The following DGKB variants were observed in gnomAD, a reference collection of about 807,000 sequenced individuals.
The protein encoded by DGKB is 90 kDa diacylglycerol kinase.
In DGKB, 67 loss-of-function variants were observed where a neutral mutation model predicts 114.3. The observed-to-expected ratio is 0.59, with a 90% confidence interval of 0.48 to 0.72. The LOEUF (loss-of-function observed/expected upper bound fraction) is 0.72, where lower values mean the gene tolerates loss of function less well. DGKB is among the 30% of genes least tolerant of loss of function. The pLI is 0.00. For missense variants in DGKB, 907 were observed against 975.2 expected (o/e 0.93, Z 0.93); for synonymous variants, 398 against 323.1 (o/e 1.23, Z -2.49).
chr7:14,265,318 C>CTTTTTTTTTTTTTCTTTTTTT (rs1797334128), intron 23 of DGKB, among the ~76,000 whole-genome samples: 1 of 67,752 alleles, frequency 1.5e-5, no homozygotes, highest in African/African-American at 6.8e-5. Context: ...CTCTTGCATT[C>CTTTTTTTTTTTTTCTTTTTTT]TTTTTTTTTT....
chr7:14,687,026 T>G (rs1821819474), intron 9 of DGKB, among the ~76,000 whole-genome samples: 1 of 152,136 alleles, frequency 6.6e-6, no homozygotes, highest in Admixed American at 6.5e-5. Flanking sequence ...AATGGGCTTG[T>G]TTCCTACACA....
At position 14,535,617 on chromosome 7, in the gene DGKB, T is replaced by C. The variant is rs112081130; in HGVS notation, c.1770+38595A>G. 2.1e-3 allele frequency among the ~76,000 whole-genome samples: 321 copies of C among 152,272 alleles called. 1 individual carries two copies. The highest frequency in any genetic ancestry group is 7.0e-3 in the African/African-American group (289 of 41,566). On this transcript the variant is annotated intron_variant, in intron 20 of 25. Transcript: ENST00000402815. ...TTAAAATTCATTTGGAGACGGAGTC[T>C]TGCTCTGTCACCCAGGCTGGCGTGC...
At chr7:14,196,868 A>T (rs569810404) in intron 23 of DGKB, among the ~76,000 whole-genome samples, 69 of 152,236 alleles carry the variant, frequency 4.5e-4, no homozygotes, top group African/African-American at 1.6e-3. Flanking sequence ...TCTCTGTGAA[A>T]AAGTTTTCAT....
intron 20 of DGKB, among the ~76,000 whole-genome samples, chr7:14,485,752 C>A (rs988567235): frequency 5.3e-5 from 8 of 151,452 alleles, no homozygotes; most frequent in Non-Finnish European, 1.0e-4. Flanking sequence ...AATACCCGGG[C>A]ATGGTAGTGG....
chr7:14,465,825 C>G (rs1780381271), intron 21 of DGKB, among the ~76,000 whole-genome samples: 1 of 152,158 alleles, frequency 6.6e-6, no homozygotes, highest in Non-Finnish European at 1.5e-5. Flanking sequence ...TTAGCGTTGT[C>G]TTAATTCTTC....
intron 6 of DGKB, among the ~76,000 whole-genome samples, chr7:14,703,984 T>C (rs1825680599): frequency 6.6e-6 from 1 of 152,124 alleles, no homozygotes. Flanking sequence ...TACACACCAA[T>C]GTAACTATTA....
intron 17 of DGKB, among the ~76,000 whole-genome samples, chr7:14,602,694 G>C (rs1355074426): frequency 1.3e-5 from 2 of 152,146 alleles, no homozygotes; most frequent in African/African-American, 4.8e-5. Context: ...CTGGCCCCTG[G>C]ACCTTGGACT....
chr7:14,237,519 G>A (rs1792985731), intron 23 of DGKB, among the ~76,000 whole-genome samples: 1 of 151,928 alleles, frequency 6.6e-6, no homozygotes, highest in Non-Finnish European at 1.5e-5. Context: ...TGAGAGCACA[G>A]TCTTGAGTAA....
chr7:14,494,733 T>C (rs796864933), intron 20 of DGKB, among the ~76,000 whole-genome samples: 5 of 152,042 alleles, frequency 3.3e-5, no homozygotes, highest in African/African-American at 1.2e-4. Context: ...TTAAAGGTAT[T>C]CAAAATTACA....
Position 14,342,265 on chromosome 7 carries a change from T to A in DGKB, c.1926+3036A>T, listed in dbSNP as rs1401914502. On this transcript the variant is annotated intron_variant, in intron 22 of 25. Coordinates refer to ENST00000402815, the MANE Select transcript of DGKB (RefSeq NM_001350709.2). ...TTAAAATTTACCATCTTTCCCAGTA[T>A]CCCTGTCAACCAAAAGACTGAAATA... Among the ~76,000 whole-genome samples the A allele has an allele frequency of 4.0e-5, 6 of 151,828 alleles. 1 individual carries two copies. The South Asian group carries it at 1.0e-3, about 26-fold the overall frequency.
intron 15 of DGKB, among the ~76,000 whole-genome samples, chr7:14,619,953 G>T (rs956968634): frequency 5.3e-5 from 8 of 151,602 alleles, no homozygotes; most frequent in Admixed American, 3.3e-4. Flanking sequence ...TCAGAATTAG[G>T]CTTCCCTTTC....
intron 23 of DGKB, among the ~76,000 whole-genome samples, chr7:14,210,055 A>C (rs537532070): frequency 6.6e-6 from 1 of 152,212 alleles, no homozygotes; most frequent in East Asian, 1.9e-4. Flanking sequence ...AAAGTGGTAC[A>C]ACAAGAACAT....
At chr7:14,313,920 C>G (rs1191875018) in intron 23 of DGKB, among the ~76,000 whole-genome samples, 10 of 152,216 alleles carry the variant, frequency 6.6e-5, no homozygotes, top group Non-Finnish European at 1.2e-4. Context: ...TCTCCCAGTG[C>G]GCAGCCAGAG....
chr7:14,320,890 C>T (rs1415800803), intron 23 of DGKB, among the ~76,000 whole-genome samples: 2 of 151,926 alleles, frequency 1.3e-5, no homozygotes, highest in Non-Finnish European at 2.9e-5. Context: ...AACATAGATG[C>T]AAAATTTTAA....
intron 1 of DGKB, among the ~76,000 whole-genome samples, chr7:14,857,258 TTG>T (rs140695633): frequency 1.4e-5 from 2 of 138,250 alleles, no homozygotes; most frequent in Admixed American, 7.2e-5. Flanking sequence ...CTGTGTGTGT[TTG>T]TGTGTGTGTG....
chr7:14,763,746 T>C (rs1468795085), intron 2 of DGKB, among the ~76,000 whole-genome samples: 1 of 152,082 alleles, frequency 6.6e-6, no homozygotes, highest in African/African-American at 2.4e-5. Flanking sequence ...ATAGCTGCTG[T>C]GAGAAGACTA....
rs1045652357 is a variant in DGKB, at chr7:14,874,565, C to T, written c.-188+28027G>A. Among the ~76,000 whole-genome samples, 33 of 151,800 alleles carry T rather than the reference C, an allele frequency of 2.2e-4. 1 individual carries two copies. Among genetic ancestry groups the T allele is most frequent in the Admixed American group, 2.2e-3 (33 of 15,214 alleles). ...ATATCATATAATTTTCTCTCTCTCT[C>T]TTTTTCTATATATAGAAGGATATAC... On this transcript the variant is annotated intron_variant, in intron 1 of 25. Coordinates refer to ENST00000402815, the MANE Select transcript of DGKB (RefSeq NM_001350709.2).
intron 9 of DGKB, among the ~76,000 whole-genome samples, chr7:14,690,575 GT>G (rs1822652299): frequency 6.6e-6 from 1 of 152,190 alleles, no homozygotes; most frequent in South Asian, 2.1e-4. Flanking sequence ...CCAGCAACCT[GT>G]TTTTGCACAT....
At chr7:14,858,707 C>G (rs745419677) in intron 1 of DGKB, among the ~76,000 whole-genome samples, 2 of 152,028 alleles carry the variant, frequency 1.3e-5, no homozygotes, top group Non-Finnish European at 2.9e-5. Flanking sequence ...GAAAGATCAA[C>G]CAGATCAGCA....
Sources: gnomAD v4.1 joint callset for allele counts (sites outside exome capture counted in the v4.1 genomes callset) on GRCh38, gnomAD v4.1.1 for gene constraint, MANE v1.5 for transcripts, NCBI Gene and HGNC (gene_info 2026-07-23, HGNC 2026-07-21) for gene names.